The following MARCHF4 variants were observed in gnomAD, a reference collection of about 807,000 sequenced individuals.
MARCHF4 encodes the protein membrane associated ring-CH-type finger 4, also known as E3 ubiquitin-protein ligase MARCHF4.
A neutral mutation model predicts 43.9 loss-of-function variants in MARCHF4; 14 were observed. That is an observed-to-expected ratio of 0.32 (90% CI 0.21 to 0.50). MARCHF4 has a LOEUF of 0.50. MARCHF4 is among the 20% of genes least tolerant of loss of function. The pLI is 0.98. For missense variants in MARCHF4, 468 were observed against 536.7 expected (o/e 0.87, Z 1.27); for synonymous variants, 226 against 213.3 (o/e 1.06, Z -0.52).
chr2:216,368,169 G>A (rs913022860), intron 1 of MARCHF4, among the ~76,000 whole-genome samples: 15 of 152,170 alleles, frequency 9.9e-5, no homozygotes, highest in African/African-American at 3.6e-4. Context: ...AAATGCCTTA[G>A]GAATTTAGGA....
intron 3 of MARCHF4, among the ~76,000 whole-genome samples, chr2:216,277,339 G>T (rs940826736): frequency 2.6e-5 from 4 of 152,166 alleles, no homozygotes; most frequent in African/African-American, 9.7e-5. Flanking sequence ...GGCAGTATAG[G>T]GTGCACAGTG....
rs1692747844 is a variant in MARCHF4, at chr2:216,370,806, A to G, written c.-546T>C. 1 of 152,168 alleles carries G rather than the reference A, an allele frequency of 6.6e-6. No individual in the cohort carries two copies. The highest frequency in any genetic ancestry group is 2.4e-5 in the African/African-American group (1 of 41,414). 9.4% of individuals were successfully genotyped at this position (152,168 alleles called of 1,614,324 possible). A position where few individuals can be genotyped will look rare whatever the true frequency, so the allele number is the denominator to read the frequency against. On this transcript the variant is annotated 5_prime_UTR_variant, in exon 1 of 4. An upstream start codon of the reference 5' UTR is lost. Coordinates refer to ENST00000273067, the MANE Select transcript of MARCHF4 (RefSeq NM_020814.3). ...AGCTCAATGAAGAATTGAGGACTGCATGTGTGAGAGAGAAAAGATCGTTTT... is the reference window on the plus strand; with the variant it reads ...AGCTCAATGAAGAATTGAGGACTGCGTGTGTGAGAGAGAAAAGATCGTTTT...
chr2:216,328,600 C>T (rs1006506474), intron 1 of MARCHF4, among the ~76,000 whole-genome samples: 1 of 152,168 alleles, frequency 6.6e-6, no homozygotes, highest in African/African-American at 2.4e-5. Context: ...AGACATCACC[C>T]AGAGTTTACT....
chr2:216,322,815 A>G (rs1691922048), intron 1 of MARCHF4, among the ~76,000 whole-genome samples: 1 of 151,946 alleles, frequency 6.6e-6, no homozygotes, highest in African/African-American at 2.4e-5. Context: ...ACAGAGCGAG[A>G]CTCCGTCTCA....
chr2:216,279,970 C>T (rs936636138), intron 2 of MARCHF4, among the ~76,000 whole-genome samples: 16 of 152,240 alleles, frequency 1.1e-4, no homozygotes, highest in South Asian at 2.1e-4. Context: ...CTCTAGACTT[C>T]AAAAATGCCA....
At chr2:216,334,287 C>T (rs1001152551) in intron 1 of MARCHF4, among the ~76,000 whole-genome samples, 4 of 152,186 alleles carry the variant, frequency 2.6e-5, no homozygotes, top group African/African-American at 9.7e-5. Flanking sequence ...GTGGTAGCCG[C>T]TAGCCAGCAA....
intron 1 of MARCHF4, among the ~76,000 whole-genome samples, chr2:216,365,713 C>T (rs200268503): frequency 2.6e-5 from 4 of 152,304 alleles, no homozygotes; most frequent in South Asian, 2.1e-4. Context: ...GTAGGCACCC[C>T]GCCCACTAGC....
chr2:216,341,846 C>T (rs552431975), intron 1 of MARCHF4, among the ~76,000 whole-genome samples: 1 of 152,324 alleles, frequency 6.6e-6, no homozygotes, highest in East Asian at 1.9e-4. Context: ...GGGACTGGAG[C>T]AGCCAGGATG....
chr2:216,259,248 G>A lies in MARCHF4; in HGVS notation c.*64C>T, dbSNP rs562265838. 2 of 1,495,516 alleles carry A rather than the reference G, an allele frequency of 1.3e-6. No homozygotes were observed. Among genetic ancestry groups the A allele is most frequent in the African/African-American group, 2.8e-5 (2 of 71,596 alleles). The allele number at this position is 1,495,516 out of a possible 1,614,324, so 92.6% of individuals were successfully genotyped here. A position where few individuals can be genotyped will look rare whatever the true frequency, so the allele number is the denominator to read the frequency against. On this transcript the variant is annotated 3_prime_UTR_variant, in exon 4 of 4. Transcript: ENST00000273067. ...CTCTGTTGGCTCTGGGGGTGCCACT[G>A]CACCTCCCCACCCTGCTCCGGGCCC...
chr2:216,302,940 A>T (rs1691516003), intron 1 of MARCHF4, among the ~76,000 whole-genome samples: 3 of 151,280 alleles, frequency 2.0e-5, no homozygotes, highest in African/African-American at 7.3e-5. Flanking sequence ...GGCATTTTGT[A>T]ATTATAAAGA....
intron 1 of MARCHF4, among the ~76,000 whole-genome samples, chr2:216,355,112 C>A (rs903968621): frequency 2.0e-5 from 3 of 152,002 alleles, no homozygotes; most frequent in African/African-American, 7.3e-5. Context: ...GTTGGGATTA[C>A]AGGCATGTGC....
At chr2:216,368,030 T>C (rs1692693369) in intron 1 of MARCHF4, among the ~76,000 whole-genome samples, 1 of 152,114 alleles carries the variant, frequency 6.6e-6, no homozygotes, top group South Asian at 2.1e-4. Flanking sequence ...GTTCACACAG[T>C]GGGGGAAATA....
intron 1 of MARCHF4, among the ~76,000 whole-genome samples, chr2:216,300,130 T>C (rs1158467982): frequency 6.6e-6 from 1 of 152,174 alleles, no homozygotes; most frequent in African/African-American, 2.4e-5. Flanking sequence ...CTTTGTGACC[T>C]TGGGCAATTC....
In MARCHF4 at chr2:216,259,179, C is replaced by T. The variant is rs941910090; in HGVS notation, c.*133G>A. On this transcript the variant is annotated 3_prime_UTR_variant, in exon 4 of 4. Transcript: ENST00000273067. ...CACCAGCCTCACTCCCGCTCTGACA[C>T]TACCCCAGGGCTCCCGCCAGGTCCC... The T allele has an allele frequency of 6.0e-5, 82 of 1,369,230 alleles. No homozygotes were observed. The Admixed American group carries it at 1.9e-3, about 31-fold the overall frequency. The allele number at this position is 1,369,230 out of a possible 1,614,324, so 84.8% of individuals were successfully genotyped here.
intron 1 of MARCHF4, among the ~76,000 whole-genome samples, chr2:216,290,632 T>C (rs2105944620): frequency 6.6e-6 from 1 of 152,252 alleles, no homozygotes; most frequent in East Asian, 1.9e-4. Context: ...AAATAAGGGC[T>C]GGTGTTGTGT....
At chr2:216,291,742 A>G (rs1691310806) in intron 1 of MARCHF4, among the ~76,000 whole-genome samples, 1 of 152,212 alleles carries the variant, frequency 6.6e-6, no homozygotes, top group Admixed American at 6.5e-5. Flanking sequence ...CTATTGTTAT[A>G]AATATTTCAC....
intron 2 of MARCHF4, among the ~76,000 whole-genome samples, chr2:216,278,595 CT>C (rs1691073278): frequency 6.6e-6 from 1 of 152,050 alleles, no homozygotes; most frequent in South Asian, 2.1e-4. Flanking sequence ...AGTGCACAGG[CT>C]TTTTTGTTTT....
intron 1 of MARCHF4, among the ~76,000 whole-genome samples, chr2:216,357,140 A>G (rs1692514917): frequency 1.3e-5 from 2 of 152,240 alleles, no homozygotes; most frequent in Non-Finnish European, 1.5e-5. Context: ...GGAACTCAAC[A>G]TTGATACAAG....
intron 1 of MARCHF4, among the ~76,000 whole-genome samples, chr2:216,336,675 C>A (rs73988370): frequency 1.1e-4 from 15 of 140,156 alleles, no homozygotes; most frequent in Non-Finnish European, 2.0e-4. Flanking sequence ...GGCTTTAGAT[C>A]GATTCAGTGT....
Sources: allele counts gnomAD v4.1 joint callset (sites outside exome capture counted in the v4.1 genomes callset), GRCh38; gene constraint gnomAD v4.1.1; transcripts MANE v1.5; gene names NCBI Gene and HGNC (gene_info 2026-07-23, HGNC 2026-07-21).